Variants in EXOC6 observed in about 807,000 individuals in gnomAD.
EXOC6 encodes SEC15-like 1.
In EXOC6, 60 loss-of-function variants were observed where a neutral mutation model predicts 112.5. The observed-to-expected ratio is 0.53, with a 90% CI of 0.43 to 0.66. The LOEUF is 0.66. EXOC6 is among the 30% of genes least tolerant of loss of function. The pLI is 0.00. For synonymous variants in EXOC6, 295 were observed against 308.0 expected (o/e 0.96, Z 0.44); for missense variants, 855 against 957.1 (o/e 0.89, Z 1.41).
At chr10:92,935,402 AAATT>A (rs2133958025) in intron 11 of EXOC6, among the ~76,000 whole-genome samples, 1 of 152,192 alleles carries the variant, frequency 6.6e-6, no homozygotes, top group East Asian at 1.9e-4. Flanking sequence ...TGTCCCTTTG[AAATT>A]AATAATTTTC....
At chr10:92,975,319 C>T (rs1362642450) in intron 18 of EXOC6, among the ~76,000 whole-genome samples, 34 of 150,036 alleles carry the variant, frequency 2.3e-4, no homozygotes, top group Admixed American at 7.3e-4. Context: ...GTGAGGAGAC[C>T]CTCTGCCTGG....
chr10:92,896,063 ATATATGTG>A (rs1169072164), intron 4 of EXOC6, among the ~76,000 whole-genome samples: 31 of 35,966 alleles, frequency 8.6e-4, no homozygotes, highest in East Asian at 8.2e-3. Flanking sequence ...ATATGTGTAT[ATATATGTG>A]TATATATATG....
intron 19 of EXOC6, among the ~76,000 whole-genome samples, chr10:93,010,865 G>T (rs1844206937): frequency 6.6e-6 from 1 of 152,074 alleles, no homozygotes; most frequent in Admixed American, 6.6e-5. Context: ...CAGAGCAGAT[G>T]GTGTGTGAGA....
chr10:92,863,600 A>C (rs1052182728), intron 1 of EXOC6, among the ~76,000 whole-genome samples: 1 of 152,108 alleles, frequency 6.6e-6, no homozygotes, highest in African/African-American at 2.4e-5. Flanking sequence ...CAACATGGAG[A>C]GATCCCATCT....
intron 8 of EXOC6, among the ~76,000 whole-genome samples, chr10:92,920,512 A>G (rs1013206556): frequency 1.3e-5 from 2 of 152,208 alleles, no homozygotes; most frequent in African/African-American, 4.8e-5. Flanking sequence ...AATTCCAGAA[A>G]TACCCATTAC....
rs771722053 is a variant in EXOC6, at chr10:92,893,474, C to T, written c.227C>T (p.Ala76Val). The change falls in exon 2 of 22, where the codon GCT becomes GTT. Residue 76 changes from alanine to valine, a missense_variant. Physicochemically the swap from Ala to Val is moderately conservative, Grantham distance 64. Around this residue, in one of 2 missense-constraint regions of EXOC6, gnomAD observed 405 missense variants for 393.6 expected, o/e 1.03. Coordinates refer to ENST00000260762, the MANE Select transcript of EXOC6 (RefSeq NM_019053.6). The part of the protein sequence containing the change: ...CNFHHQGFVD[A>V]ITELLKVRTD... ...TTTCATCATCAGGGTTTTGTAGATGCTATTACAGAACTCCTTAAAGTAAGG... is the reference window on the plus strand; with the variant it reads ...TTTCATCATCAGGGTTTTGTAGATGTTATTACAGAACTCCTTAAAGTAAGG... 6.2e-7 allele frequency: 1 copy of T among 1,612,244 alleles called. No homozygotes were observed. Among genetic ancestry groups the T allele is most frequent in the Non-Finnish European group, 8.5e-7 (1 of 1,178,996 alleles).
intron 19 of EXOC6, among the ~76,000 whole-genome samples, chr10:93,001,555 G>GA (rs1248617113): frequency 6.6e-6 from 1 of 152,056 alleles, no homozygotes; most frequent in Non-Finnish European, 1.5e-5. Flanking sequence ...TCAGTAAAAG[G>GA]AAAAAACCCT....
intron 17 of EXOC6, among the ~76,000 whole-genome samples, chr10:92,963,579 C>A (rs553371164): frequency 6.6e-6 from 1 of 150,668 alleles, no homozygotes; most frequent in East Asian, 2.0e-4. Flanking sequence ...CCTTGAACTC[C>A]TGGGCTCAAG....
chr10:92,889,138 A>C (rs190250691), intron 1 of EXOC6, among the ~76,000 whole-genome samples: 61 of 152,284 alleles, frequency 4.0e-4, no homozygotes, highest in Admixed American at 6.5e-4. Context: ...TCTAGTACTC[A>C]GTTGTTCAGC....
intron 17 of EXOC6, among the ~76,000 whole-genome samples, chr10:92,956,741 A>C (rs1362512806): frequency 2.0e-5 from 3 of 152,158 alleles, no homozygotes; most frequent in African/African-American, 4.8e-5. Flanking sequence ...CTAAAAAAGC[A>C]GGCATTCATT....
At chr10:92,950,378 T>G (rs1853334072) in intron 14 of EXOC6, among the ~76,000 whole-genome samples, 1 of 152,124 alleles carries the variant, frequency 6.6e-6, no homozygotes, top group Non-Finnish European at 1.5e-5. Flanking sequence ...CTATGTTAAT[T>G]TTATTAGAAT....
At chr10:93,056,887 T>A (rs1846567231) in intron 20 of EXOC6, 37 bp from the exon 21 acceptor site, 1 of 1,208,510 alleles carries the variant, frequency 8.3e-7, no homozygotes, top group Non-Finnish European at 1.2e-6. Context: ...GGGTAAATAA[T>A]CAAAAGTTGA....
At position 92,921,946 on chromosome 10, in the gene EXOC6, AT is replaced by A. The variant is rs534379847; in HGVS notation, c.888+1899del. On this transcript the variant is annotated intron_variant, in intron 8 of 21. Transcript: ENST00000260762. Reference sequence around the variant, plus strand: ...AACCAAAAATTATTTGGTAAAGCTAATTTCTTTCTTTTTTTTTGAGACAGAG... The same window carrying A: ...AACCAAAAATTATTTGGTAAAGCTAATTCTTTCTTTTTTTTTGAGACAGAG... 4.3e-3 allele frequency among the ~76,000 whole-genome samples: 657 copies of A among 151,616 alleles called. 6 individuals carry two copies. Among genetic ancestry groups the A allele is most frequent in the African/African-American group, 0.015 (628 of 41,342 alleles).
intron 19 of EXOC6, among the ~76,000 whole-genome samples, 155 bp from the exon 20 acceptor site, chr10:93,014,039 G>A (rs1002435955): frequency 5.9e-5 from 9 of 152,282 alleles, no homozygotes; most frequent in African/African-American, 2.2e-4. Context: ...AACTTTCTCA[G>A]TAGTGGAAAT....
chr10:92,891,020 A>G (rs906429869), intron 1 of EXOC6, among the ~76,000 whole-genome samples: 1 of 152,180 alleles, frequency 6.6e-6, no homozygotes, highest in Non-Finnish European at 1.5e-5. Context: ...TGACAAATCT[A>G]CGCAAGACAT....
intron 17 of EXOC6, among the ~76,000 whole-genome samples, chr10:92,965,362 T>G (rs940357589): frequency 1.2e-4 from 19 of 152,170 alleles, no homozygotes; most frequent in Non-Finnish European, 2.9e-5. Context: ...ACATTGAAAT[T>G]TTTTTTAAAA....
At chr10:92,968,902 A>G (rs139538513) in intron 17 of EXOC6, among the ~76,000 whole-genome samples, 69 of 152,204 alleles carry the variant, frequency 4.5e-4, no homozygotes, top group East Asian at 3.3e-3. Context: ...GTTTTTTTCT[A>G]TTAAGTAAGT....
upstream of EXOC6, among the ~76,000 whole-genome samples, chr10:92,846,123 G>A (rs1589685147): frequency 6.6e-6 from 1 of 152,320 alleles, no homozygotes; most frequent in African/African-American, 2.4e-5. Context: ...TTGAATTTCG[G>A]GGAAGATACT....
chr10:92,914,954 A>G (rs1211295405), intron 6 of EXOC6, among the ~76,000 whole-genome samples: 1 of 152,248 alleles, frequency 6.6e-6, no homozygotes, highest in Non-Finnish European at 1.5e-5. Context: ...AAGTATTACT[A>G]AAATGCCTAA....
Sources: gnomAD v4.1 joint callset for allele counts (sites outside exome capture counted in the v4.1 genomes callset) on GRCh38, gnomAD v4.1.1 for gene constraint, gnomAD v4.1.1 regional missense constraint, MANE v1.5 for transcripts, NCBI Gene and HGNC (gene_info 2026-07-23, HGNC 2026-07-21) for gene names.